Variants in SUGCT observed in about 807,000 individuals in gnomAD.
SUGCT encodes succinyl-CoA:glutarate-CoA transferase, also known as succinyl-CoA:glutarate CoA-transferase.
Under a neutral mutation model 55.0 loss-of-function variants are expected in SUGCT, and 41 were observed. The observed-to-expected ratio is 0.74, with a 90% CI of 0.58 to 0.97. The LOEUF (loss-of-function observed/expected upper bound fraction) is 0.97. Ranked by LOEUF, SUGCT falls within the 50% of genes least tolerant of loss-of-function variation. SUGCT has a pLI of 0.00. For synonymous variants in SUGCT, 187 were observed against 200.4 expected (o/e 0.93, Z 0.56); for missense variants, 568 against 547.8 (o/e 1.04, Z -0.37).
intron 12 of SUGCT, among the ~76,000 whole-genome samples, chr7:40,656,613 C>T (rs1410443729): frequency 6.6e-6 from 1 of 152,190 alleles, no homozygotes; most frequent in African/African-American, 2.4e-5. Flanking sequence ...TACTCCTTGA[C>T]CTTTCTTAAA....
chr7:40,334,374 A>G (rs1192522226), intron 9 of SUGCT, among the ~76,000 whole-genome samples: 2 of 152,184 alleles, frequency 1.3e-5, no homozygotes, highest in Admixed American at 6.5e-5. Flanking sequence ...CCAACAGTGT[A>G]AAAGTGTTCC....
chr7:40,705,242 C>A lies in SUGCT; in HGVS notation c.1090-44192C>A, dbSNP rs186762527. Reference sequence around the variant, plus strand: ...AAATCATGTGGAGAAGTCCTGTGTACCCAATGGTAATGTCTTACATAATTA... The same window carrying A: ...AAATCATGTGGAGAAGTCCTGTGTAACCAATGGTAATGTCTTACATAATTA... On this transcript the variant is annotated intron_variant, in intron 12 of 13. Transcript: ENST00000335693. 1.6e-3 allele frequency among the ~76,000 whole-genome samples: 248 copies of A among 152,112 alleles called. 1 individual carries two copies. The highest frequency in any genetic ancestry group is 2.5e-3 in the Non-Finnish European group (169 of 67,966).
chr7:40,430,309 C>A (rs1409380698), intron 9 of SUGCT, among the ~76,000 whole-genome samples: 1 of 152,188 alleles, frequency 6.6e-6, no homozygotes, highest in East Asian at 1.9e-4. Flanking sequence ...TCTCCTTTCT[C>A]CACACTCTTA....
chr7:40,881,588 A>G, the SUGCT span, among the ~76,000 whole-genome samples: 1 of 152,252 alleles, frequency 6.6e-6, no homozygotes, highest in Admixed American at 6.5e-5. Flanking sequence ...ATATCCTGAT[A>G]TAAAAGAGGA....
intron 9 of SUGCT, among the ~76,000 whole-genome samples, chr7:40,404,910 G>A (rs1471617224): frequency 6.6e-6 from 1 of 152,178 alleles, no homozygotes; most frequent in African/African-American, 2.4e-5. Flanking sequence ...TAGCAGTGCT[G>A]GGAATAGTGG....
intron 11 of SUGCT, among the ~76,000 whole-genome samples, chr7:40,493,474 AGTGGAATGTTGAT>A (rs1239260515): frequency 6.6e-6 from 1 of 152,184 alleles, no homozygotes; most frequent in Non-Finnish European, 1.5e-5. Flanking sequence ...TCATTTCTTA[AGTGGAATGTTGAT>A]GTTAGGAAAT....
At chr7:40,507,103 C>T (rs945580060) in intron 12 of SUGCT, among the ~76,000 whole-genome samples, 1 of 152,130 alleles carries the variant, frequency 6.6e-6, no homozygotes, top group Non-Finnish European at 1.5e-5. Context: ...ATGTTGGTCA[C>T]ACTTTACTGT....
intron 1 of SUGCT, among the ~76,000 whole-genome samples, chr7:40,160,427 CCAT>C (rs1784090817): frequency 6.6e-6 from 1 of 152,128 alleles, no homozygotes; most frequent in African/African-American, 2.4e-5. Context: ...CGGAGTTTCA[CCAT>C]GTTGGTCAGG....
chr7:40,975,393 C>T, the SUGCT span, among the ~76,000 whole-genome samples: 1 of 152,156 alleles, frequency 6.6e-6, no homozygotes, highest in African/African-American at 2.4e-5. Flanking sequence ...TCATGATGTT[C>T]AAGAGGTATG....
downstream of SUGCT, among the ~76,000 whole-genome samples, chr7:40,863,783 C>A (rs983474060): frequency 6.6e-6 from 1 of 151,890 alleles, no homozygotes; most frequent in Non-Finnish European, 1.5e-5. Context: ...GTACAACGGG[C>A]CTGAAAAAAA....
chr7:40,616,640 C>T (rs1406904309), intron 12 of SUGCT, among the ~76,000 whole-genome samples: 3 of 152,216 alleles, frequency 2.0e-5, no homozygotes, highest in African/African-American at 7.2e-5. Flanking sequence ...ACTTGAAGTG[C>T]ATGGTGGATT....
At chr7:40,248,709 G>A (rs1028701283) in intron 7 of SUGCT, among the ~76,000 whole-genome samples, 13 of 152,110 alleles carry the variant, frequency 8.5e-5, no homozygotes, top group Admixed American at 2.6e-4. Context: ...CCTAGAAGGA[G>A]GCTCTGGTGT....
intron 12 of SUGCT, among the ~76,000 whole-genome samples, chr7:40,525,057 A>T (rs931673163): frequency 2.0e-5 from 3 of 152,234 alleles, no homozygotes; most frequent in Non-Finnish European, 4.4e-5. Flanking sequence ...TTAAACTGTT[A>T]AACATTCATT....
At chr7:40,586,675 C>T (rs1014647203) in intron 12 of SUGCT, among the ~76,000 whole-genome samples, 5 of 152,146 alleles carry the variant, frequency 3.3e-5, no homozygotes, top group African/African-American at 1.2e-4. Context: ...CAGACACTTA[C>T]CAATTTACAG....
chr7:40,338,304 G>C (rs908454104), intron 9 of SUGCT, among the ~76,000 whole-genome samples: 1 of 152,150 alleles, frequency 6.6e-6, no homozygotes, highest in Non-Finnish European at 1.5e-5. Flanking sequence ...TGCCTTGCTA[G>C]GTTGGGGAAA....
rs752763152 is a variant in SUGCT, at chr7:40,188,583, A to G, written c.312+3A>G. 17 of 1,590,892 alleles carry G rather than the reference A, an allele frequency of 1.1e-5. No homozygotes were observed. Among genetic ancestry groups the G allele is most frequent in the Middle Eastern group, 1.7e-4 (1 of 5,990 alleles). ...TCAGTGTTAACCGAAATAAAAAAGT[A>G]AGAATATCATCCCTTTTTTGCTTTT... On this transcript the variant is annotated splice_donor_region_variant and intron_variant, in intron 4 of 13. Transcript: ENST00000335693.
downstream of SUGCT, among the ~76,000 whole-genome samples, chr7:40,862,682 C>T (rs1030111509): frequency 6.6e-6 from 1 of 150,376 alleles, no homozygotes; most frequent in Non-Finnish European, 1.5e-5. Context: ...GTGGGGTAAT[C>T]GTTACAGAAT....
chr7:40,963,228 G>A, the SUGCT span, among the ~76,000 whole-genome samples: 1 of 151,748 alleles, frequency 6.6e-6, no homozygotes, highest in African/African-American at 2.4e-5. Context: ...TACTTTTGGT[G>A]AATGTAAAGG....
intron 12 of SUGCT, among the ~76,000 whole-genome samples, chr7:40,721,867 G>T (rs1207841192): frequency 6.6e-6 from 1 of 152,200 alleles, no homozygotes; most frequent in Admixed American, 6.5e-5. Context: ...TACATAGCTT[G>T]AAGTTGAAAA....
Sources: gnomAD v4.1 joint callset for allele counts (sites outside exome capture counted in the v4.1 genomes callset) on GRCh38, gnomAD v4.1.1 for gene constraint, MANE v1.5 for transcripts, NCBI Gene and HGNC (gene_info 2026-07-23, HGNC 2026-07-21) for gene names.